The following SBF2 variants were observed in gnomAD, a reference collection of about 807,000 sequenced individuals.
SBF2 encodes the protein SET binding factor 2.
In SBF2, 112 loss-of-function variants were observed where a neutral mutation model predicts 225.2. The ratio of observed to expected loss-of-function variants is 0.50; its 90% CI spans 0.43 to 0.58. The LOEUF is 0.58. SBF2 is among the 20% of genes least tolerant of loss of function. The pLI is 0.00. For synonymous variants in SBF2, 763 were observed against 773.3 expected, an observed-to-expected ratio of 0.99 and a Z score of 0.22; for missense variants, 1,996 against 2,206.2, an observed-to-expected ratio of 0.90 and a Z score of 1.91.
intron 36 of SBF2, 151 bp from the exon 37 acceptor site, chr11:9,785,469 G>A (rs141543049): frequency 3.6e-4 from 250 of 690,076 alleles, no homozygotes; most frequent in African/African-American, 3.4e-3. Context: ...GTTAGTTATC[G>A]TGGTAAAAAA....
chr11:10,052,402 A>G (rs1255372735), intron 2 of SBF2, among the ~76,000 whole-genome samples: 1 of 152,198 alleles, frequency 6.6e-6, no homozygotes, highest in East Asian at 1.9e-4. Flanking sequence ...TACCATGCCC[A>G]TAAAAATGTT....
intron 6 of SBF2, among the ~76,000 whole-genome samples, chr11:10,016,196 TGAA>T (rs1948646843): frequency 6.6e-6 from 1 of 152,154 alleles, no homozygotes; most frequent in African/African-American, 2.4e-5. Flanking sequence ...AGATAAATTG[TGAA>T]GAAGGGAGGC....
At chr11:10,083,268 G>A (rs1312360734) in intron 2 of SBF2, among the ~76,000 whole-genome samples, 1 of 152,098 alleles carries the variant, frequency 6.6e-6, no homozygotes, top group African/African-American at 2.4e-5. Context: ...CCCACACCAT[G>A]AATTTGAAGA....
At chr11:10,018,442 T>G (rs1948728487) in intron 6 of SBF2, among the ~76,000 whole-genome samples, 1 of 152,188 alleles carries the variant, frequency 6.6e-6, no homozygotes. Flanking sequence ...TAGCCATATT[T>G]TATAAAAATA....
chr11:9,933,995 T>C (rs939761170), intron 16 of SBF2, among the ~76,000 whole-genome samples: 3 of 152,102 alleles, frequency 2.0e-5, no homozygotes, highest in African/African-American at 4.8e-5. Context: ...GGTAGGAGAA[T>C]GGCATGAACC....
At chr11:10,004,090 T>G (rs901821779) in intron 6 of SBF2, among the ~76,000 whole-genome samples, 4 of 152,206 alleles carry the variant, frequency 2.6e-5, no homozygotes, top group Non-Finnish European at 5.9e-5. Flanking sequence ...GATTTTAATC[T>G]TCATTCATTT....
chr11:10,080,739 T>A (rs568072633), intron 2 of SBF2, among the ~76,000 whole-genome samples: 1 of 151,978 alleles, frequency 6.6e-6, no homozygotes, highest in Non-Finnish European at 1.5e-5. Context: ...CATAAAGACA[T>A]GTACAGACTG....
At chr11:10,128,545 A>G (rs1201703716) in intron 2 of SBF2, among the ~76,000 whole-genome samples, 3 of 152,242 alleles carry the variant, frequency 2.0e-5, no homozygotes, top group African/African-American at 7.2e-5. Flanking sequence ...TGCCTATTTT[A>G]CAACATGCTC....
chr11:10,100,409 CCCAAGCGG>C (rs1952236597), intron 2 of SBF2, among the ~76,000 whole-genome samples: 1 of 152,218 alleles, frequency 6.6e-6, no homozygotes, highest in South Asian at 2.1e-4. Context: ...CAAAGGCCAG[CCCAAGCGG>C]CCACAGTTGT....
At chr11:9,808,772 T>C in intron 31 of SBF2, 129 bp downstream of exon 31, 2 of 700,436 alleles carry the variant, frequency 2.9e-6, no homozygotes, top group Non-Finnish European at 4.9e-6. Context: ...TACCAGGTGC[T>C]GTTTAACACA....
chr11:9,939,987 A>T (rs1175075155), intron 16 of SBF2, among the ~76,000 whole-genome samples: 4 of 152,206 alleles, frequency 2.6e-5, no homozygotes, highest in Admixed American at 2.6e-4. Flanking sequence ...ATTGACACTG[A>T]ATCTCTTGAT....
intron 26 of SBF2, among the ~76,000 whole-genome samples, chr11:9,833,774 CTTT>C (rs35133643): frequency 1.6e-5 from 2 of 127,670 alleles, no homozygotes; most frequent in Non-Finnish European, 3.2e-5. Context: ...TCATGCTATC[CTTT>C]TTTTTTTTTT....
intron 2 of SBF2, among the ~76,000 whole-genome samples, chr11:10,176,832 C>T (rs536292070): frequency 4.6e-5 from 7 of 152,346 alleles, no homozygotes; most frequent in African/African-American, 1.7e-4. Flanking sequence ...TCCTCCCTAA[C>T]TCATTTTATG....
At chr11:10,005,210 A>G (rs1387779850) in intron 6 of SBF2, among the ~76,000 whole-genome samples, 1 of 152,198 alleles carries the variant, frequency 6.6e-6, no homozygotes, top group Non-Finnish European at 1.5e-5. Context: ...TGTAGTTAAG[A>G]GGCAAAATGG....
chr11:10,084,611 T>TA (rs1433158803), intron 2 of SBF2, among the ~76,000 whole-genome samples: 2 of 152,118 alleles, frequency 1.3e-5, no homozygotes, highest in Non-Finnish European at 2.9e-5. Context: ...AGTTATGACA[T>TA]AAAAAAGATG....
At chr11:10,117,163 G>A (rs981436169) in intron 2 of SBF2, among the ~76,000 whole-genome samples, 14 of 152,172 alleles carry the variant, frequency 9.2e-5, no homozygotes, top group African/African-American at 2.6e-4. Flanking sequence ...GTATCAGGCC[G>A]GGCGTGGTGG....
At chr11:10,277,839 C>T (rs1963085378) in intron 1 of SBF2, among the ~76,000 whole-genome samples, 1 of 152,148 alleles carries the variant, frequency 6.6e-6, no homozygotes, top group Non-Finnish European at 1.5e-5. Flanking sequence ...AAGGATCCTT[C>T]CCTAAATCCT....
In SBF2 at chr11:9,790,697, A is replaced by C. The variant is rs748028280; in HGVS notation, c.4571-14T>G. 1.3e-6 allele frequency: 2 copies of C among 1,544,784 alleles called. No individual in the cohort carries two copies. The highest frequency in any genetic ancestry group is 1.8e-6 in the Non-Finnish European group (2 of 1,123,010). ...CAAATAAAGTTCCTGTAGATTAAAA[A>C]AATCCAACAAAACAAAATTAAATAA... On this transcript the variant is annotated splice_polypyrimidine_tract_variant and intron_variant, in intron 33 of 39. Transcript: ENST00000256190.
At chr11:9,980,289 T>TTA (rs1491334194) in intron 13 of SBF2, among the ~76,000 whole-genome samples, 1 of 105,858 alleles carries the variant, frequency 9.4e-6, no homozygotes, top group Non-Finnish European at 1.8e-5. Context: ...CTCTTGTAAT[T>TTA]AAAAAAAAAA....
Sources: gnomAD v4.1 joint callset for allele counts (sites outside exome capture counted in the v4.1 genomes callset) on GRCh38, gnomAD v4.1.1 for gene constraint, MANE v1.5 for transcripts, NCBI Gene and HGNC (gene_info 2026-07-23, HGNC 2026-07-21) for gene names.